Variants in SP140 observed in about 807,000 individuals in gnomAD.
SP140 encodes the protein nuclear body protein SP140.
SP140 carries 81 observed loss-of-function variants against 125.0 expected under a neutral mutation model. The ratio of observed to expected loss-of-function variants is 0.65; its 90% CI spans 0.54 to 0.78. The LOEUF (loss-of-function observed/expected upper bound fraction) is 0.78. Ranked by LOEUF, SP140 falls within the 30% of genes least tolerant of loss-of-function variation. The probability of loss-of-function intolerance (pLI) is 0.00; values close to 1 mark genes in which losing one functional copy is unlikely to be tolerated. For missense variants in SP140, 858 were observed against 1,037.0 expected (o/e 0.83, Z 2.37); for synonymous variants, 312 against 354.0 (o/e 0.88, Z 1.33).
chr2:230,287,113 C>T lies in SP140; in HGVS notation c.1646-779C>T, dbSNP rs141401610. On this transcript the variant is annotated intron_variant, in intron 17 of 26. Coordinates refer to ENST00000392045, the MANE Select transcript of SP140 (RefSeq NM_007237.5). ...TAACATGCACTTGGGAGAATATCAT[C>T]GGCTGCAGTGTCTGCCATGTCAATC... Among the ~76,000 whole-genome samples the T allele has an allele frequency of 8.3e-4, 126 of 152,294 alleles. 1 individual carries two copies. Among genetic ancestry groups the T allele is most frequent in the African/African-American group, 2.8e-3 (118 of 41,568 alleles).
At chr2:230,274,368 G>C (rs1416700548) in intron 15 of SP140, among the ~76,000 whole-genome samples, 1 of 152,172 alleles carries the variant, frequency 6.6e-6, no homozygotes, top group Non-Finnish European at 1.5e-5. Context: ...GGCCACTAAA[G>C]TCAGAGAACA....
chr2:230,248,196 C>A, intron 8 of SP140, 131 bp downstream of exon 8: 3 of 807,762 alleles, frequency 3.7e-6, no homozygotes, highest in South Asian at 3.7e-5. Flanking sequence ...GCTTCTTTTA[C>A]CCTCACAAAA....
intron 9 of SP140, among the ~76,000 whole-genome samples, chr2:230,250,448 C>G (rs1214859123): frequency 6.6e-6 from 1 of 152,140 alleles, no homozygotes; most frequent in African/African-American, 2.4e-5. Flanking sequence ...CCACATTTCC[C>G]CTGTACTCTG....
intron 2 of SP140, 126 bp from the exon 3 acceptor site, chr2:230,238,087 G>T (rs949730459): frequency 4.7e-6 from 3 of 638,780 alleles, no homozygotes; most frequent in Non-Finnish European, 5.4e-6. Flanking sequence ...GGACATTTAA[G>T]AAGTCATCCA....
At chr2:230,242,260 A>T (rs1013213514) in intron 4 of SP140, among the ~76,000 whole-genome samples, 1 of 106,716 alleles carries the variant, frequency 9.4e-6, no homozygotes, top group Non-Finnish European at 2.0e-5. Flanking sequence ...TAAGAAAAAA[A>T]GGGTGTAAAA....
chr2:230,237,084 A>T lies in SP140; in HGVS notation c.61A>T (p.Met21Leu). Residue 21 changes from methionine to leucine, a missense_variant and splice_region_variant, in exon 2 of 27, where the codon ATG becomes TTG. By Grantham distance (15) the Met-to-Leu change is conservative. Transcript: ENST00000392045. The surrounding 1 kb of genome is among the most constrained non-coding windows in gnomAD (Gnocchi z 5.4). ...ASGDSNLNFRMVAEIQNVEGQ... is the reference protein window; with the variant it reads ...ASGDSNLNFRLVAEIQNVEGQ... ...CCACGTTGTATCTTTGTTTCTTAGG[A>T]TGGTCGCAGAGATCCAGAACGTAGA... The T allele has an allele frequency of 6.4e-7, 1 of 1,569,196 alleles. No homozygotes were observed. The highest frequency in any genetic ancestry group is 8.6e-7 in the Non-Finnish European group (1 of 1,160,876).
At chr2:230,227,391 C>T (rs151029433) in intron 1 of SP140, among the ~76,000 whole-genome samples, 195 of 152,294 alleles carry the variant, frequency 1.3e-3, no homozygotes, top group African/African-American at 4.5e-3. Flanking sequence ...CCATGGTCAC[C>T]AAGCAGGAAG....
the SP140 span, among the ~76,000 whole-genome samples, chr2:230,196,033 A>G: frequency 6.6e-6 from 1 of 152,192 alleles, no homozygotes; most frequent in African/African-American, 2.4e-5. Context: ...CATTGTTTGG[A>G]TGTTAAGGAT....
chr2:230,206,595 T>TTTTATA (rs1317441117), intron 1 of SP140, among the ~76,000 whole-genome samples: 20 of 70,526 alleles, frequency 2.8e-4, no homozygotes, highest in Non-Finnish European at 4.8e-4. Context: ...GGTCCAGATT[T>TTTTATA]TATATATATA....
intron 3 of SP140, chr2:230,238,662 TGAAGGAA>T: frequency 2.0e-6 from 2 of 1,006,846 alleles, no homozygotes; most frequent in Admixed American, 2.3e-5. Context: ...TCTATTTTTT[TGAAGGAA>T]TACATGAGTG....
At chr2:230,191,039 G>T in the SP140 span, among the ~76,000 whole-genome samples, 49 of 152,206 alleles carry the variant, frequency 3.2e-4, no homozygotes, top group African/African-American at 1.2e-3. Flanking sequence ...AGCTATATGG[G>T]ATCTTCTTCG....
upstream of SP140, among the ~76,000 whole-genome samples, chr2:230,201,887 G>C (rs1011657843): frequency 1.3e-5 from 2 of 152,210 alleles, no homozygotes; most frequent in Non-Finnish European, 2.9e-5. Context: ...GAGTGTTGGT[G>C]TAGTATTAAA....
At chr2:230,305,592 C>T (rs1252270015) in intron 22 of SP140, among the ~76,000 whole-genome samples, 1 of 152,250 alleles carries the variant, frequency 6.6e-6, no homozygotes, top group African/African-American at 2.4e-5. Flanking sequence ...CGTGGTCAGG[C>T]AGGGAGGGGT....
intron 1 of SP140, among the ~76,000 whole-genome samples, chr2:230,235,388 T>C (rs559986778): frequency 3.3e-5 from 5 of 152,346 alleles, no homozygotes; most frequent in African/African-American, 1.2e-4. Context: ...TCTTCATCAT[T>C]GTAACTTTAA....
intron 22 of SP140, among the ~76,000 whole-genome samples, chr2:230,302,669 G>C (rs1281315292): frequency 1.3e-5 from 2 of 152,116 alleles, no homozygotes; most frequent in African/African-American, 4.8e-5. Flanking sequence ...CACATAACAA[G>C]TCTCAACAAA....
chr2:230,248,433 G>C (rs558024587), intron 8 of SP140, among the ~76,000 whole-genome samples: 2 of 152,060 alleles, frequency 1.3e-5, no homozygotes, highest in Non-Finnish European at 2.9e-5. Flanking sequence ...GCAGGTTCCC[G>C]GAGGAGTGGA....
At chr2:230,293,575 G>A (rs115324971) in intron 20 of SP140, among the ~76,000 whole-genome samples, 2,886 of 152,146 alleles carry the variant, frequency 0.019, 81 homozygotes, top group African/African-American at 0.065. Context: ...GGCGTCAAGC[G>A]GGAGGCCTCC....
At chr2:230,266,988 C>G (rs60721372) in intron 12 of SP140, among the ~76,000 whole-genome samples, 2,732 of 152,280 alleles carry the variant, frequency 0.018, 84 homozygotes, top group African/African-American at 0.063. Flanking sequence ...TCATTATGTT[C>G]ACAGTCCTCA....
intron 9 of SP140, among the ~76,000 whole-genome samples, chr2:230,250,179 T>C (rs1356242656): frequency 1.3e-5 from 2 of 152,232 alleles, no homozygotes; most frequent in Non-Finnish European, 2.9e-5. Context: ...TCAGACTCTT[T>C]TTCTCTGCTT....
Sources: allele counts gnomAD v4.1 joint callset (sites outside exome capture counted in the v4.1 genomes callset), GRCh38; gene constraint gnomAD v4.1.1; non-coding constraint Gnocchi (gnomAD v3.1); transcripts MANE v1.5; gene names NCBI Gene and HGNC (gene_info 2026-07-23, HGNC 2026-07-21).